CSMD1: variants seen among roughly 807,000 people sequenced by gnomAD.
CSMD1 encodes CUB and sushi domain-containing protein 1.
Under a neutral mutation model 417.5 loss-of-function variants are expected in CSMD1, and 213 were observed. That is an observed-to-expected ratio of 0.51 (90% CI 0.46 to 0.57). The LOEUF (loss-of-function observed/expected upper bound fraction) is 0.57, where lower values mean the gene tolerates loss of function less well. Among genes scored for constraint, CSMD1 ranks in the 20% least tolerant of loss-of-function variants. The pLI is 0.00. For missense variants in CSMD1, 6,923 were observed against 4,529.7 expected (o/e 1.53, Z -15.17); for synonymous variants, 2,862 against 1,736.8 (o/e 1.65, Z -16.11).
intron 3 of CSMD1, among the ~76,000 whole-genome samples, chr8:4,279,880 C>G (rs1203503496): frequency 6.6e-6 from 1 of 152,142 alleles, no homozygotes; most frequent in East Asian, 1.9e-4. Flanking sequence ...GAAGCAGATG[C>G]CAACTGCGTC....
chr8:4,877,765 C>G (rs577372683), intron 1 of CSMD1, among the ~76,000 whole-genome samples: 3 of 152,072 alleles, frequency 2.0e-5, no homozygotes, highest in Non-Finnish European at 4.4e-5. Flanking sequence ...TGTATTCATG[C>G]CTGTAAAAAG....
intron 3 of CSMD1, among the ~76,000 whole-genome samples, chr8:4,040,844 C>G (rs568466544): frequency 1.3e-5 from 2 of 151,718 alleles, no homozygotes; most frequent in African/African-American, 2.4e-5. Flanking sequence ...TCCGGACAAT[C>G]GAAAAAATAA....
At position 3,150,714 on chromosome 8, in the gene CSMD1, G is replaced by A. The variant is rs1044580304; in HGVS notation, c.6031+683C>T. ...AGTGCTGTAGAGAAAATCACAAGTA[G>A]GGAGACTCAAATAAATGAACTAAAA... is the stretch of plus-strand genomic sequence containing the variant. On this transcript the variant is annotated intron_variant, in intron 40 of 69. Coordinates refer to ENST00000635120, the MANE Select transcript of CSMD1 (RefSeq NM_033225.6). 5.6e-4 allele frequency among the ~76,000 whole-genome samples: 85 copies of A among 152,232 alleles called. 1 individual carries two copies. The highest frequency in any genetic ancestry group is 9.7e-4 in the Non-Finnish European group (66 of 68,024).
At position 3,917,229 on chromosome 8, in the gene CSMD1, G is replaced by A. The variant is rs141515717; in HGVS notation, c.818+80674C>T. On this transcript the variant is annotated intron_variant, in intron 5 of 69. Transcript: ENST00000635120. ...TGTTTCCCATGAGCCATTTCCTGTG[G>A]TTGAAATGCAACCCTATGAGATGCT... 2.0e-5 allele frequency among the ~76,000 whole-genome samples: 3 copies of A among 152,266 alleles called. No individual in the cohort carries two copies. In the East Asian group the frequency reaches 5.8e-4, roughly 29 times the overall value.
At chr8:3,935,023 A>C (rs1810387853) in intron 5 of CSMD1, among the ~76,000 whole-genome samples, 2 of 152,114 alleles carry the variant, frequency 1.3e-5, no homozygotes, top group Admixed American at 6.6e-5. Flanking sequence ...GAGTATCTGA[A>C]CTCCAAAGCT....
intron 2 of CSMD1, among the ~76,000 whole-genome samples, chr8:4,465,553 G>C (rs796118349): frequency 3.3e-5 from 5 of 152,292 alleles, no homozygotes; most frequent in African/African-American, 1.2e-4. Context: ...CAGAATGGAA[G>C]TCAAGTAAAG....
intron 6 of CSMD1, among the ~76,000 whole-genome samples, chr8:3,711,180 A>G (rs1458126011): frequency 6.6e-6 from 1 of 152,188 alleles, no homozygotes; most frequent in Admixed American, 6.5e-5. Flanking sequence ...GAAGGAACAT[A>G]CAAACTTTGA....
At chr8:3,178,100 C>G (rs1313680825) in intron 37 of CSMD1, among the ~76,000 whole-genome samples, 2 of 152,090 alleles carry the variant, frequency 1.3e-5, no homozygotes, top group Non-Finnish European at 2.9e-5. Context: ...TACATTAAAC[C>G]AGAGGATTCT....
At chr8:4,726,366 A>T (rs1243742833) in intron 1 of CSMD1, among the ~76,000 whole-genome samples, 1 of 151,702 alleles carries the variant, frequency 6.6e-6, no homozygotes, top group Non-Finnish European at 1.5e-5. Context: ...TTATCACCAA[A>T]AGCTTTCTCT....
At chr8:4,839,381 A>G (rs921173693) in intron 1 of CSMD1, among the ~76,000 whole-genome samples, 4 of 152,212 alleles carry the variant, frequency 2.6e-5, no homozygotes, top group African/African-American at 9.7e-5. Flanking sequence ...ATGTCAAAGT[A>G]TCACATCACA....
At chr8:4,268,418 C>A (rs1585128227) in intron 3 of CSMD1, among the ~76,000 whole-genome samples, 1 of 152,194 alleles carries the variant, frequency 6.6e-6, no homozygotes, top group East Asian at 1.9e-4. Flanking sequence ...TAGCAGTGAC[C>A]AATTGTTGTT....
In CSMD1 at chr8:4,779,599, C is replaced by T. The variant is rs375009353; in HGVS notation, c.86-142041G>A. On this transcript the variant is annotated intron_variant, in intron 1 of 69. Transcript: ENST00000635120. ...GTTTAGCTCAAAGGAACACAGGAAGCATTAGCTGTACGCCTCCAGCACTTC... is the reference window on the plus strand; with the variant it reads ...GTTTAGCTCAAAGGAACACAGGAAGTATTAGCTGTACGCCTCCAGCACTTC... 7.9e-5 allele frequency among the ~76,000 whole-genome samples: 12 copies of T among 152,324 alleles called. No individual in the cohort carries two copies. In the South Asian group the frequency reaches 2.1e-3, roughly 26 times the overall value.
At chr8:3,587,750 CTT>C (rs1800668127) in intron 8 of CSMD1, among the ~76,000 whole-genome samples, 1 of 152,058 alleles carries the variant, frequency 6.6e-6, no homozygotes, top group Non-Finnish European at 1.5e-5. Context: ...CTTAATAAAA[CTT>C]AATATGCAAA....
At chr8:3,326,342 T>G (rs910938181) in intron 23 of CSMD1, among the ~76,000 whole-genome samples, 1 of 152,226 alleles carries the variant, frequency 6.6e-6, no homozygotes, top group Non-Finnish European at 1.5e-5. Flanking sequence ...CTTACAATGG[T>G]CATCGTGGTA....
At chr8:3,702,989 T>C (rs1215734845) in intron 7 of CSMD1, among the ~76,000 whole-genome samples, 2 of 152,330 alleles carry the variant, frequency 1.3e-5, no homozygotes, top group African/African-American at 4.8e-5. Flanking sequence ...AGACATAATA[T>C]TGCCCATTTA....
At chr8:3,733,620 G>A (rs764444652) in intron 6 of CSMD1, among the ~76,000 whole-genome samples, 3 of 151,972 alleles carry the variant, frequency 2.0e-5, no homozygotes, top group African/African-American at 4.8e-5. Flanking sequence ...TCCTGCCTCG[G>A]TCCCGAATCA....
At chr8:4,023,630 A>G (rs973142952) in intron 4 of CSMD1, among the ~76,000 whole-genome samples, 2 of 144,490 alleles carry the variant, frequency 1.4e-5, no homozygotes, top group African/African-American at 5.2e-5. Context: ...TCTGTCGCCC[A>G]GGCTAGAGTG....
intron 3 of CSMD1, among the ~76,000 whole-genome samples, chr8:4,312,635 G>T (rs540739887): frequency 2.6e-5 from 4 of 151,776 alleles, no homozygotes; most frequent in Admixed American, 1.3e-4. Flanking sequence ...CCAACACTTT[G>T]GGAGGCCGAG....
intron 41 of CSMD1, among the ~76,000 whole-genome samples, 191 bp from the exon 42 acceptor site, chr8:3,118,778 C>T (rs1048245404): frequency 2.6e-5 from 4 of 152,116 alleles, no homozygotes; most frequent in Admixed American, 1.3e-4. Flanking sequence ...GAATCATAAC[C>T]ATATGCATTT....
Sources: allele counts gnomAD v4.1 joint callset (sites outside exome capture counted in the v4.1 genomes callset), GRCh38; gene constraint gnomAD v4.1.1; transcripts MANE v1.5; gene names NCBI Gene and HGNC (gene_info 2026-07-23, HGNC 2026-07-21).